Variants in GLRA3 observed in about 807,000 individuals in gnomAD.
GLRA3 encodes the protein glycine receptor subunit alpha-3.
GLRA3 carries 44 observed loss-of-function variants against 60.4 expected under a neutral mutation model. The observed-to-expected ratio is 0.73, with a 90% CI of 0.57 to 0.94. The LOEUF (loss-of-function observed/expected upper bound fraction) is 0.94. Among genes scored for constraint, GLRA3 ranks in the 40% least tolerant of loss-of-function variants. The probability of loss-of-function intolerance (pLI) is 0.00; values close to 1 mark genes in which losing one functional copy is unlikely to be tolerated. For synonymous variants in GLRA3, 223 were observed against 192.9 expected, an observed-to-expected ratio of 1.16 and a Z score of -1.29; for missense variants, 508 against 564.6, an observed-to-expected ratio of 0.90 and a Z score of 1.02.
At chr4:174,685,809 T>C (rs1238434242) in intron 5 of GLRA3, among the ~76,000 whole-genome samples, 3 of 152,110 alleles carry the variant, frequency 2.0e-5, no homozygotes, top group Non-Finnish European at 4.4e-5. Context: ...AGATAAGACA[T>C]GTTTCTCATT....
intron 6 of GLRA3, among the ~76,000 whole-genome samples, chr4:174,678,613 G>A (rs935568930): frequency 4.6e-5 from 7 of 152,146 alleles, no homozygotes; most frequent in Admixed American, 1.3e-4. Context: ...TGTTTCCAGA[G>A]CTTAAGTCTC....
At chr4:174,681,914 A>C (rs1014890550) in intron 6 of GLRA3, among the ~76,000 whole-genome samples, 13 of 152,194 alleles carry the variant, frequency 8.5e-5, no homozygotes, top group Admixed American at 2.6e-4. Flanking sequence ...TCTCTGAGTT[A>C]AAAGGAAAAT....
At chr4:174,753,963 A>T (rs1281204688) in intron 3 of GLRA3, among the ~76,000 whole-genome samples, 2 of 150,688 alleles carry the variant, frequency 1.3e-5, no homozygotes, top group Non-Finnish European at 3.0e-5. Context: ...CAGGATACAG[A>T]TTTTTTTTTT....
rs142369187 is a variant in GLRA3, at chr4:174,783,342, G to C, written c.199+5474C>G. On this transcript the variant is annotated intron_variant, in intron 2 of 9. Transcript: ENST00000274093. Reference sequence around the variant, plus strand: ...TTCAGGATGGATTAAAGACTTACATGTTAGACCTAAAACCATAAAAACCCT... The same window carrying C: ...TTCAGGATGGATTAAAGACTTACATCTTAGACCTAAAACCATAAAAACCCT... 1.5e-5 allele frequency among the ~76,000 whole-genome samples: 2 copies of C among 134,998 alleles called. 1 individual carries two copies. Among genetic ancestry groups the C allele is most frequent in the Non-Finnish European group, 3.3e-5 (2 of 60,108 alleles). The allele number at this position is 134,998 out of a possible 152,430, so 88.6% of individuals were successfully genotyped here.
intron 2 of GLRA3, among the ~76,000 whole-genome samples, chr4:174,768,885 G>A (rs1009030348): frequency 4.6e-5 from 7 of 152,078 alleles, no homozygotes; most frequent in African/African-American, 4.8e-5. Flanking sequence ...AAATAGAAAC[G>A]TAAAAATATT....
chr4:174,785,286 T>G (rs1330711415), intron 2 of GLRA3, among the ~76,000 whole-genome samples: 1 of 152,116 alleles, frequency 6.6e-6, no homozygotes, highest in Non-Finnish European at 1.5e-5. Flanking sequence ...CAAAGTTGCA[T>G]TTTTACAAAG....
intron 1 of GLRA3, among the ~76,000 whole-genome samples, chr4:174,797,805 C>T (rs914535757): frequency 4.6e-5 from 7 of 151,886 alleles, no homozygotes; most frequent in Non-Finnish European, 4.4e-5. Flanking sequence ...ATAGCAAACG[C>T]CTCTAGTCCC....
intron 2 of GLRA3, among the ~76,000 whole-genome samples, chr4:174,768,852 T>C (rs1243387001): frequency 6.6e-6 from 1 of 152,146 alleles, no homozygotes. Flanking sequence ...CCACAAACTT[T>C]GTTATTAGGC....
At chr4:174,767,399 C>G (rs1738188611) in intron 2 of GLRA3, among the ~76,000 whole-genome samples, 2 of 151,864 alleles carry the variant, frequency 1.3e-5, no homozygotes, top group Admixed American at 6.6e-5. Context: ...CTTTGCATGT[C>G]TTATATTTTT....
chr4:174,775,023 C>T (rs1262172011), intron 2 of GLRA3, among the ~76,000 whole-genome samples: 2 of 152,026 alleles, frequency 1.3e-5, no homozygotes, highest in Non-Finnish European at 1.5e-5. Context: ...GAAATAATTA[C>T]TACAGAAATA....
At chr4:174,722,105 T>C (rs1736155963) in intron 4 of GLRA3, among the ~76,000 whole-genome samples, 1 of 152,170 alleles carries the variant, frequency 6.6e-6, no homozygotes, top group African/African-American at 2.4e-5. Context: ...TCTTGTCTAC[T>C]GCTCAGTGGA....
chr4:174,808,059 T>A (rs530725578), intron 1 of GLRA3, among the ~76,000 whole-genome samples: 212 of 152,168 alleles, frequency 1.4e-3, no homozygotes, highest in African/African-American at 4.8e-3. Flanking sequence ...ATGGTCGCTG[T>A]GCTGTGGAGT....
intron 6 of GLRA3, among the ~76,000 whole-genome samples, chr4:174,678,191 TCTCTATTATTTAC>T (rs1208219171): frequency 6.6e-6 from 1 of 152,192 alleles, no homozygotes; most frequent in Non-Finnish European, 1.5e-5. Context: ...TGCTTTTATG[TCTCTATTATTTAC>T]CTCTATTTTG....
chr4:174,748,358 A>C (rs2111188916), intron 3 of GLRA3, among the ~76,000 whole-genome samples: 1 of 152,316 alleles, frequency 6.6e-6, no homozygotes. Flanking sequence ...GCGATTGGTG[A>C]AAAACCAGGA....
chr4:174,720,965 A>C lies in GLRA3; in HGVS notation c.492-5395T>G, dbSNP rs1736105275. 1.3e-5 allele frequency among the ~76,000 whole-genome samples: 2 copies of C among 151,924 alleles called. 1 individual carries two copies. Among genetic ancestry groups the C allele is most frequent in the South Asian group, 4.2e-4 (2 of 4,810 alleles). ...TGGGTGTAAGGATGGGCAGGGCAAA[A>C]GTACAACTGTTTTTTATATGTTTTA... is the stretch of plus-strand genomic sequence containing the variant. On this transcript the variant is annotated intron_variant, in intron 4 of 9. Transcript: ENST00000274093.
chr4:174,725,666 G>A (rs141860266), intron 4 of GLRA3, among the ~76,000 whole-genome samples: 231 of 152,072 alleles, frequency 1.5e-3, no homozygotes, highest in Middle Eastern at 0.01. Flanking sequence ...TTTTTTTGTA[G>A]AGACAGGGTT....
intron 5 of GLRA3, among the ~76,000 whole-genome samples, chr4:174,685,845 C>A (rs1734536375): frequency 6.6e-6 from 1 of 151,986 alleles, no homozygotes; most frequent in African/African-American, 2.4e-5. Flanking sequence ...TCACTGAAGA[C>A]AAAATATATG....
intron 4 of GLRA3, among the ~76,000 whole-genome samples, chr4:174,726,262 G>C (rs1202828769): frequency 6.6e-6 from 1 of 152,184 alleles, no homozygotes; most frequent in African/African-American, 2.4e-5. Flanking sequence ...GCTCTGTGAG[G>C]TATGAAGCTC....
chr4:174,766,514 T>C (rs1738148041), intron 3 of GLRA3, among the ~76,000 whole-genome samples: 2 of 152,126 alleles, frequency 1.3e-5, no homozygotes, highest in Non-Finnish European at 2.9e-5. Context: ...ATACAGTTGA[T>C]AAAATCTATA....
Sources: allele counts gnomAD v4.1 joint callset (sites outside exome capture counted in the v4.1 genomes callset), GRCh38; gene constraint gnomAD v4.1.1; transcripts MANE v1.5; gene names NCBI Gene and HGNC (gene_info 2026-07-23, HGNC 2026-07-21).